Variants in LRRIQ4 observed in about 807,000 individuals in gnomAD.
The protein encoded by LRRIQ4 is leucine-rich repeat and IQ domain-containing protein 4.
In LRRIQ4, 21 loss-of-function variants were observed where a neutral mutation model predicts 40.1. The observed-to-expected ratio is 0.52, with a 90% CI of 0.37 to 0.75. LRRIQ4 has a LOEUF of 0.75. Ranked by LOEUF, LRRIQ4 falls within the 30% of genes least tolerant of loss-of-function variation. The pLI is 0.00. For synonymous variants in LRRIQ4, 277 were observed against 277.1 expected, an observed-to-expected ratio of 1.00 and a Z score of 0.00; for missense variants, 655 against 660.0, an observed-to-expected ratio of 0.99 and a Z score of 0.08.
chr3:169,819,560 C>A (rs567399218), intron 1 of LRRIQ4, among the ~76,000 whole-genome samples: 1 of 152,176 alleles, frequency 6.6e-6, no homozygotes, highest in Non-Finnish European at 1.5e-5. Context: ...TAATAAGTGC[C>A]AGGTTTCCTG....
chr3:169,835,364 C>CTTTGTGTGTGTGTGTGTGTG (rs56344833), intron 5 of LRRIQ4, among the ~76,000 whole-genome samples: 204 of 146,506 alleles, frequency 1.4e-3, no homozygotes, highest in African/African-American at 4.5e-3. Flanking sequence ...TTGTCTTTTT[C>CTTTGTGTGTGTGTGTGTGTG]TGTGTGTGTG....
intron 4 of LRRIQ4, 110 bp downstream of exon 4, chr3:169,830,740 A>T (rs1780153031): frequency 7.5e-7 from 1 of 1,326,204 alleles, no homozygotes; most frequent in Non-Finnish European, 1.0e-6. Context: ...CAGAGAACTG[A>T]GTCTATCCCA....
At chr3:169,833,299 G>C (rs1263737470) in intron 5 of LRRIQ4, 116 bp downstream of exon 5, 1 of 831,070 alleles carries the variant, frequency 1.2e-6, no homozygotes, top group East Asian at 2.8e-5. Flanking sequence ...TCTGAAAAGA[G>C]AAGTTACTTG....
chr3:169,822,205 G>A lies in LRRIQ4; in HGVS notation c.284G>A (p.Ser95Asn), dbSNP rs1430286751. ...TGCCCGGCGCTGGGGCTGCTGAGCAGCCTGGAGAGCCTGGACCTGAGCTAC... is the reference window on the plus strand; with the variant it reads ...TGCCCGGCGCTGGGGCTGCTGAGCAACCTGGAGAGCCTGGACCTGAGCTAC... ...SLCPALGLLS[S>N]LESLDLSYNP... Residue 95 changes from serine (S) to asparagine (N), a missense_variant, in exon 2 of 6, where the codon AGC (serine) becomes AAC (asparagine). Coordinates refer to ENST00000340806, the MANE Select transcript of LRRIQ4 (RefSeq NM_001080460.3). 1 of 1,600,814 alleles carries A rather than the reference G, an allele frequency of 6.2e-7. No individual in the cohort carries two copies. The highest frequency in any genetic ancestry group is 1.8e-5 in the Admixed American group (1 of 56,166).
At position 169,833,019 on chromosome 3, in the gene LRRIQ4, C is replaced by G; in HGVS notation, c.1366C>G (p.Leu456Val). The change falls in exon 5 of 6, where the codon CTC (leucine) becomes GTC (valine). Residue 456 changes from leucine (L) to valine (V), a missense_variant. By Grantham distance (32) the Leu-to-Val change is conservative. Coordinates refer to ENST00000340806, the MANE Select transcript of LRRIQ4 (RefSeq NM_001080460.3). ...AGAATTACGGCTGGAGGACAACTTG[C>G]TCACCCATCTTCCAGAGAATTTGGA... Reference protein sequence around the residue: ...LKELRLEDNLLTHLPENLDSL... With the variant: ...LKELRLEDNLVTHLPENLDSL... 3 of 1,612,900 alleles carry G rather than the reference C, an allele frequency of 1.9e-6. No individual in the cohort carries two copies. The highest frequency in any genetic ancestry group is 2.5e-6 in the Non-Finnish European group (3 of 1,179,694).
At chr3:169,826,276 C>T (rs1187215810) in intron 2 of LRRIQ4, among the ~76,000 whole-genome samples, 2 of 151,678 alleles carry the variant, frequency 1.3e-5, no homozygotes, top group East Asian at 3.9e-4. Context: ...CCTGTAATCC[C>T]AGCTACTCGG....
At position 169,822,344 on chromosome 3, in the gene LRRIQ4, C is replaced by G. The variant is rs1779918394; in HGVS notation, c.423C>G (p.Leu141=). ...KEIPVVIFKN[L]HHLELLGLTG... is the part of the protein sequence containing the mutation. ...TTCCCGTCGTCATCTTTAAAAACCTCCACCATCTCGAGCTGCTCGGACTGA... is the reference window on the plus strand; with the variant it reads ...TTCCCGTCGTCATCTTTAAAAACCTGCACCATCTCGAGCTGCTCGGACTGA... The change falls in exon 2 of 6, where the codon CTC becomes CTG. Residue 141 remains leucine (L), a synonymous_variant. Coordinates refer to ENST00000340806, the MANE Select transcript of LRRIQ4 (RefSeq NM_001080460.3). 2 of 1,613,718 alleles carry G rather than the reference C, an allele frequency of 1.2e-6. No homozygotes were observed.
At position 169,822,638 on chromosome 3, in the gene LRRIQ4, C is replaced by T. The variant is rs780735516; in HGVS notation, c.717C>T (p.Leu239=). 3.7e-6 allele frequency: 6 copies of T among 1,613,938 alleles called. No individual in the cohort carries two copies. The highest frequency in any genetic ancestry group is 3.3e-5 in the South Asian group (3 of 91,078). Reference sequence around the variant, plus strand: ...GCCAGTGTAGCCAACTGTCGGTGCTCGATTTATCCCACAACCTCCTCCACT... The same window carrying T: ...GCCAGTGTAGCCAACTGTCGGTGCTTGATTTATCCCACAACCTCCTCCACT... ...SLCQCSQLSV[L]DLSHNLLHSI... Residue 239 remains leucine (L), a synonymous_variant, in exon 2 of 6, where the codon CTC becomes CTT. Transcript: ENST00000340806.
At chr3:169,828,177 TCAAA>T (rs963709434) in intron 2 of LRRIQ4, among the ~76,000 whole-genome samples, 1 of 152,170 alleles carries the variant, frequency 6.6e-6, no homozygotes, top group Non-Finnish European at 1.5e-5. Flanking sequence ...TTCTATAGTG[TCAAA>T]CAGTTGCCAC....
chr3:169,834,294 G>A (rs1241486851), intron 5 of LRRIQ4, among the ~76,000 whole-genome samples: 1 of 152,166 alleles, frequency 6.6e-6, no homozygotes, highest in Non-Finnish European at 1.5e-5. Context: ...CCCAGGAGGC[G>A]GGGGTTACAG....
In LRRIQ4 at chr3:169,830,377, GAAAAAAAAAAAAAAAAAA is replaced by G. The variant is rs56795981; in HGVS notation, c.1195-100_1195-83del. 336 of 106,624 alleles carry G rather than the reference GAAAAAAAAAAAAAAAAAA, an allele frequency of 3.2e-3. 2 individuals carry two copies. Among genetic ancestry groups the G allele is most frequent in the Middle Eastern group, 0.012 (3 of 258 alleles). 6.6% of individuals were successfully genotyped at this position (106,624 alleles called of 1,614,324 possible). ...AATGCGTAATTTCCCCACTGAAAGT[GAAAAAAAAAAAAAAAAAA>G]AAAAAAAAAAAAAATGCATGAGCAC... On this transcript the variant is annotated intron_variant, in intron 3 of 5. Transcript: ENST00000340806.
intron 1 of LRRIQ4, among the ~76,000 whole-genome samples, chr3:169,813,766 C>T (rs1576755898): frequency 1.3e-5 from 2 of 152,230 alleles, no homozygotes; most frequent in Non-Finnish European, 2.9e-5. Context: ...TAAATCCCTT[C>T]ATTCCTTCCT....
intron 3 of LRRIQ4, 115 bp from the exon 4 acceptor site, chr3:169,830,377 G>GAAAAAAAAAAAAAACAAA (rs1780136384): frequency 9.7e-6 from 1 of 103,278 alleles, no homozygotes; most frequent in Non-Finnish European, 1.6e-5. Flanking sequence ...CACTGAAAGT[G>GAAAAAAAAAAAAAACAAA]AAAAAAAAAA....
Position 169,822,683 on chromosome 3 carries a change from C to G in LRRIQ4, c.762C>G (p.Ala254=), listed in dbSNP as rs760741011. The G allele has an allele frequency of 2.5e-6, 4 of 1,613,840 alleles. No homozygotes were observed. In the South Asian group the frequency reaches 3.3e-5, roughly 13 times the overall value. The change falls in exon 2 of 6, where the codon GCC becomes GCG. Residue 254 remains alanine (A), a synonymous_variant. Transcript: ENST00000340806. The part of the protein sequence containing the change: ...NLLHSIPKSF[A]ELRKMTEIGL... ...TCCACTCCATCCCGAAGAGCTTCGCCGAGCTCAGGAAGATGACGGAAATCG... is the reference window on the plus strand; with the variant it reads ...TCCACTCCATCCCGAAGAGCTTCGCGGAGCTCAGGAAGATGACGGAAATCG...
chr3:169,825,079 C>T lies in LRRIQ4; in HGVS notation c.1020+2138C>T, dbSNP rs561999381. The stretch of plus-strand genomic sequence containing the variant: ...CTGGAGTACAATGGCGCCATCTCAG[C>T]TCACTGCAACCTCCACCTCCCAGGT... On this transcript the variant is annotated intron_variant, in intron 2 of 5. Transcript: ENST00000340806. Among the ~76,000 whole-genome samples, 182 of 151,142 alleles carry T rather than the reference C, an allele frequency of 1.2e-3. 4 individuals carry two copies. The South Asian group carries it at 0.037, about 30-fold the overall frequency.
chr3:169,822,666 A>G lies in LRRIQ4; in HGVS notation c.745A>G (p.Ile249Val), dbSNP rs767730513. 2 of 1,613,870 alleles carry G rather than the reference A, an allele frequency of 1.2e-6. No homozygotes were observed. Among genetic ancestry groups the G allele is most frequent in the Admixed American group, 3.3e-5 (2 of 60,020 alleles). The change falls in exon 2 of 6, where the codon ATC (isoleucine) becomes GTC (valine). Residue 249 changes from isoleucine to valine, a missense_variant. By Grantham distance (29) the Ile-to-Val change is conservative. Coordinates refer to ENST00000340806, the MANE Select transcript of LRRIQ4 (RefSeq NM_001080460.3). ...LDLSHNLLHS[I>V]PKSFAELRKM... ...TTTATCCCACAACCTCCTCCACTCC[A>G]TCCCGAAGAGCTTCGCCGAGCTCAG... is the stretch of plus-strand genomic sequence containing the variant.
Position 169,822,148 on chromosome 3 carries a change from T to C in LRRIQ4, c.227T>C (p.Leu76Pro). Reference sequence around the variant, plus strand: ...CAGCGTTTAAAGAACATCAGGGTCCTCTACCTGGATAAGAACAACCTGAGG... The same window carrying C: ...CAGCGTTTAAAGAACATCAGGGTCCCCTACCTGGATAAGAACAACCTGAGG... ...EIQRLKNIRV[L>P]YLDKNNLRSL... Residue 76 changes from leucine to proline, a missense_variant, in exon 2 of 6, where the codon CTC becomes CCC. Coordinates refer to ENST00000340806, the MANE Select transcript of LRRIQ4 (RefSeq NM_001080460.3). 6.2e-7 allele frequency: 1 copy of C among 1,612,912 alleles called. No individual in the cohort carries two copies. The highest frequency in any genetic ancestry group is 2.2e-5 in the East Asian group (1 of 44,888).
At chr3:169,831,586 G>A (rs1036578305) in intron 4 of LRRIQ4, among the ~76,000 whole-genome samples, 28 of 147,874 alleles carry the variant, frequency 1.9e-4, no homozygotes, top group Middle Eastern at 3.4e-3. Context: ...ACAGGCGTGA[G>A]CCACCGTGCC....
intron 2 of LRRIQ4, among the ~76,000 whole-genome samples, chr3:169,825,677 C>T (rs1317343640): frequency 1.3e-5 from 2 of 152,220 alleles, no homozygotes; most frequent in African/African-American, 4.8e-5. Context: ...ATCAAAGGAG[C>T]AAATCACACA....
Sources: allele counts gnomAD v4.1 joint callset (sites outside exome capture counted in the v4.1 genomes callset), GRCh38; gene constraint gnomAD v4.1.1; transcripts MANE v1.5; gene names NCBI Gene and HGNC (gene_info 2026-07-23, HGNC 2026-07-21).